Variants in NUAK1 observed in about 807,000 individuals in gnomAD.
NUAK1 encodes the protein NUAK family SNF1-like kinase 1.
A neutral mutation model predicts 56.9 loss-of-function variants in NUAK1; 26 were observed. The observed-to-expected ratio is 0.46, with a 90% CI of 0.33 to 0.63. The LOEUF (loss-of-function observed/expected upper bound fraction) is 0.63, where lower values mean the gene tolerates loss of function less well. Among genes scored for constraint, NUAK1 ranks in the 30% least tolerant of loss-of-function variants. The pLI is 0.02. For synonymous variants in NUAK1, 337 were observed against 336.0 expected, an observed-to-expected ratio of 1.00 and a Z score of -0.03; for missense variants, 727 against 876.1, an observed-to-expected ratio of 0.83 and a Z score of 2.15.
intron 4 of NUAK1, 39 bp downstream of exon 4, chr12:106,083,825 C>G (rs1286849199): frequency 6.3e-7 from 1 of 1,587,634 alleles, no homozygotes; most frequent in African/African-American, 1.3e-5. Flanking sequence ...GCTGCAAGAC[C>G]CAGGCCCTGC....
intron 1 of NUAK1, among the ~76,000 whole-genome samples, chr12:106,115,630 G>A (rs548442096): frequency 6.6e-6 from 1 of 152,164 alleles, no homozygotes; most frequent in African/African-American, 2.4e-5. Flanking sequence ...AAGATCCATC[G>A]GGAGGCTTGT....
At chr12:106,121,843 TC>T (rs1415926772) in intron 1 of NUAK1, among the ~76,000 whole-genome samples, 1 of 151,852 alleles carries the variant, frequency 6.6e-6, no homozygotes, top group Non-Finnish European at 1.5e-5. Flanking sequence ...GGTTGGTGGA[TC>T]CCTACACACA....
intron 2 of NUAK1, among the ~76,000 whole-genome samples, chr12:106,102,972 T>C (rs2032763759): frequency 6.6e-6 from 1 of 152,250 alleles, no homozygotes; most frequent in Non-Finnish European, 1.5e-5. Flanking sequence ...TTCCTCACAC[T>C]GCTATGCATC....
chr12:106,072,564 G>T (rs1257888055), intron 5 of NUAK1, among the ~76,000 whole-genome samples, 160 bp downstream of exon 5: 1 of 152,138 alleles, frequency 6.6e-6, no homozygotes, highest in Non-Finnish European at 1.5e-5. Context: ...TTCCTCCCAG[G>T]AGTATACATT....
chr12:106,086,985 C>G lies in NUAK1; in HGVS notation c.362-100G>C, dbSNP rs988161919. On this transcript the variant is annotated intron_variant, in intron 2 of 6. Transcript: ENST00000261402. ...AGAGGACAACGGAGATGTCGCCAGG[C>G]AGAGGATCGACTGATGGGTCAGAAC... 1.2e-5 allele frequency: 17 copies of G among 1,460,650 alleles called. No individual in the cohort carries two copies. The African/African-American group carries it at 2.2e-4, about 19-fold the overall frequency. 90.5% of individuals were successfully genotyped at this position (1,460,650 alleles called of 1,614,324 possible). A position where few individuals can be genotyped will look rare whatever the true frequency, so the allele number is the denominator to read the frequency against.
At chr12:106,130,589 C>G (rs2033067790) in intron 1 of NUAK1, among the ~76,000 whole-genome samples, 1 of 152,194 alleles carries the variant, frequency 6.6e-6, no homozygotes, top group African/African-American at 2.4e-5. Flanking sequence ...AGAAAGCAAG[C>G]TACCACCAGG....
chr12:106,086,963 G>A (rs2032578374), intron 2 of NUAK1, 78 bp from the exon 3 acceptor site: 1 of 1,537,930 alleles, frequency 6.5e-7, no homozygotes, highest in Non-Finnish European at 8.9e-7. Context: ...ATGCGAGAGA[G>A]GACAACGGAG....
intron 1 of NUAK1, among the ~76,000 whole-genome samples, chr12:106,137,702 C>A (rs2033142754): frequency 6.6e-6 from 1 of 152,258 alleles, no homozygotes; most frequent in African/African-American, 2.4e-5. Flanking sequence ...GGTAGCCCTG[C>A]AACCAGGAGC....
At chr12:106,074,062 C>CAT (rs1310717302) in intron 4 of NUAK1, among the ~76,000 whole-genome samples, 8 of 151,900 alleles carry the variant, frequency 5.3e-5, no homozygotes, top group Non-Finnish European at 1.2e-4. Context: ...CATACATATA[C>CAT]ATATATATAT....
intron 2 of NUAK1, among the ~76,000 whole-genome samples, chr12:106,091,381 C>T (rs2032633404): frequency 6.6e-6 from 1 of 152,178 alleles, no homozygotes; most frequent in African/African-American, 2.4e-5. Context: ...GGGCCATGGC[C>T]AGGTGGTGTA....
intron 1 of NUAK1, among the ~76,000 whole-genome samples, chr12:106,113,530 G>C (rs984309740): frequency 6.6e-6 from 1 of 151,870 alleles, no homozygotes; most frequent in African/African-American, 2.4e-5. Context: ...AGGGTAGGGG[G>C]CAGACCTGGT....
At position 106,066,685 on chromosome 12, in the gene NUAK1, T is replaced by G; in HGVS notation, c.*117A>C. 1.1e-6 allele frequency: 1 copy of G among 909,396 alleles called. No homozygotes were observed. Among genetic ancestry groups the G allele is most frequent in the Non-Finnish European group, 1.7e-6 (1 of 591,364 alleles). The allele number at this position is 909,396 out of a possible 1,614,324, so 56.3% of individuals were successfully genotyped here. A position where few individuals can be genotyped will look rare whatever the true frequency, so the allele number is the denominator to read the frequency against. On this transcript the variant is annotated 3_prime_UTR_variant, in exon 7 of 7. Transcript: ENST00000261402. ...CTGCAAACTTGGCCAAGTGAGACAG[T>G]GCCAATCCTTTTTCAGTCTGTTGTC...
chr12:106,082,982 G>T (rs970386172), intron 4 of NUAK1, among the ~76,000 whole-genome samples: 11 of 152,180 alleles, frequency 7.2e-5, no homozygotes, highest in Non-Finnish European at 1.3e-4. Flanking sequence ...CATGCAGCGA[G>T]CTCCGTTTAT....
chr12:106,111,357 G>A (rs1384247080), intron 1 of NUAK1, among the ~76,000 whole-genome samples: 1 of 151,996 alleles, frequency 6.6e-6, no homozygotes, highest in African/African-American at 2.4e-5. Flanking sequence ...ATTAATATCC[G>A]GCCAGCCCCA....
In NUAK1 at chr12:106,066,905, T is replaced by G; in HGVS notation, c.1883A>C (p.Tyr628Ser). Residue 628 changes from tyrosine (Y) to serine (S), a missense_variant, in exon 7 of 7, where the codon TAC becomes TCC. Tyr to Ser is a moderately radical substitution (Grantham distance 144). Coordinates refer to ENST00000261402, the MANE Select transcript of NUAK1 (RefSeq NM_014840.3). ...GCTGCTGTCTGCCAGCCGGTTCCGG[T>G]ACCGCTTCAGGTACTGGGGCCGGGG... is the stretch of plus-strand genomic sequence containing the variant. ...NRPRPQYLKRYRNRLADSSFS... is the reference protein window; with the variant it reads ...NRPRPQYLKRSRNRLADSSFS... The G allele has an allele frequency of 1.2e-6, 2 of 1,614,244 alleles. No individual in the cohort carries two copies. Among genetic ancestry groups the G allele is most frequent in the Non-Finnish European group, 8.5e-7 (1 of 1,180,036 alleles).
intron 1 of NUAK1, among the ~76,000 whole-genome samples, chr12:106,133,405 C>T (rs554130064): frequency 2.0e-5 from 3 of 152,290 alleles, no homozygotes; most frequent in Admixed American, 2.0e-4. Context: ...GCACCATTAG[C>T]AAAGAACCAC....
At chr12:106,105,708 A>G (rs1212395677) in intron 2 of NUAK1, 1 of 152,240 alleles carries the variant, frequency 6.6e-6, no homozygotes, top group Non-Finnish European at 1.5e-5. Context: ...TTTAATTTTA[A>G]CATTTCGATT....
intron 2 of NUAK1, among the ~76,000 whole-genome samples, chr12:106,093,490 C>A (rs879897849): frequency 4.6e-5 from 7 of 152,284 alleles, no homozygotes; most frequent in Non-Finnish European, 8.8e-5. Context: ...GGCTAATGAC[C>A]CAGCTCCCAG....
At chr12:106,131,949 G>A (rs184035670) in intron 1 of NUAK1, among the ~76,000 whole-genome samples, 59 of 152,230 alleles carry the variant, frequency 3.9e-4, no homozygotes, top group Admixed American at 1.2e-3. Flanking sequence ...CTACAATGTC[G>A]TCTGGGCCAG....
Sources: allele counts gnomAD v4.1 joint callset (sites outside exome capture counted in the v4.1 genomes callset), GRCh38; gene constraint gnomAD v4.1.1; transcripts MANE v1.5; gene names NCBI Gene and HGNC (gene_info 2026-07-23, HGNC 2026-07-21).